The following TTLL11 variants were observed in gnomAD, a reference collection of about 807,000 sequenced individuals.
TTLL11 encodes the protein tubulin polyglutamylase TTLL11.
A neutral mutation model predicts 51.7 loss-of-function variants in TTLL11; 42 were observed. The observed-to-expected ratio is 0.81, with a 90% CI of 0.64 to 1.05. TTLL11 has a LOEUF of 1.05. Ranked by LOEUF, TTLL11 falls within the 50% of genes least tolerant of loss-of-function variation. The probability of loss-of-function intolerance (pLI) is 0.00; values close to 1 mark genes in which losing one functional copy is unlikely to be tolerated. For synonymous variants in TTLL11, 381 were observed against 383.5 expected (o/e 0.99, Z 0.08); for missense variants, 799 against 940.4 (o/e 0.85, Z 1.97).
At chr9:121,908,144 CCTT>C (rs1840005263) in intron 6 of TTLL11, among the ~76,000 whole-genome samples, 1 of 152,152 alleles carries the variant, frequency 6.6e-6, no homozygotes, top group Non-Finnish European at 1.5e-5. Context: ...GGGGAAGACA[CCTT>C]CTTCTGGTGG....
chr9:121,954,285 C>G (rs769667999), intron 6 of TTLL11, among the ~76,000 whole-genome samples: 19 of 152,166 alleles, frequency 1.2e-4, no homozygotes, highest in Non-Finnish European at 2.5e-4. Flanking sequence ...CTCTCATAAA[C>G]AAACAAGTGG....
At position 122,072,559 on chromosome 9, in the gene TTLL11, G is replaced by T. The variant is rs370038768; in HGVS notation, c.462+20128C>A. Among the ~76,000 whole-genome samples, 8 of 152,158 alleles carry T rather than the reference G, an allele frequency of 5.3e-5. 1 individual carries two copies. The highest frequency in any genetic ancestry group is 4.1e-4 in the South Asian group (2 of 4,828). On this transcript the variant is annotated intron_variant, in intron 1 of 8. Coordinates refer to ENST00000321582, the MANE Select transcript of TTLL11 (RefSeq NM_001139442.2). ...CTCGGGAGGCTGAGGCAGGCGAATT[G>T]CTTGAACCCGGGAAGTGGAGGTTTC...
intron 8 of TTLL11, among the ~76,000 whole-genome samples, chr9:121,841,174 C>T (rs886219971): frequency 2.0e-5 from 3 of 152,086 alleles, no homozygotes; most frequent in African/African-American, 7.2e-5. Flanking sequence ...AGAGGCCCCA[C>T]GATGGAAGCA....
chr9:122,031,594 G>T, intron 3 of TTLL11, 129 bp downstream of exon 3: 3 of 1,104,496 alleles, frequency 2.7e-6, no homozygotes, highest in South Asian at 1.7e-5. Context: ...CACCTACTGT[G>T]TACTGTTAAG....
At chr9:121,833,774 A>G (rs1488622699) in intron 8 of TTLL11, among the ~76,000 whole-genome samples, 1 of 152,234 alleles carries the variant, frequency 6.6e-6, no homozygotes, top group African/African-American at 2.4e-5. Context: ...GCACATTTGA[A>G]TATATGATAT....
chr9:122,017,849 A>T (rs1844034265), intron 3 of TTLL11, among the ~76,000 whole-genome samples: 1 of 152,224 alleles, frequency 6.6e-6, no homozygotes, highest in African/African-American at 2.4e-5. Context: ...GAGAAAATGA[A>T]GGCTAAAGAA....
intron 6 of TTLL11, among the ~76,000 whole-genome samples, chr9:121,925,825 T>C (rs1840708376): frequency 6.6e-6 from 1 of 152,238 alleles, no homozygotes; most frequent in Middle Eastern, 3.4e-3. Context: ...GCTCCCCTCC[T>C]CCACCCTCAC....
chr9:121,992,889 A>G (rs1214542108), intron 3 of TTLL11, among the ~76,000 whole-genome samples: 1 of 152,240 alleles, frequency 6.6e-6, no homozygotes, highest in Non-Finnish European at 1.5e-5. Flanking sequence ...TACTCTACTA[A>G]GACATTAAAA....
intron 1 of TTLL11, among the ~76,000 whole-genome samples, chr9:122,090,002 A>G (rs1013065091): frequency 1.3e-5 from 2 of 151,018 alleles, no homozygotes; most frequent in African/African-American, 2.5e-5. Context: ...CTATATGCCA[A>G]TGTGTTCTCT....
At chr9:122,032,579 C>T (rs1050174903) in intron 2 of TTLL11, among the ~76,000 whole-genome samples, 4 of 148,756 alleles carry the variant, frequency 2.7e-5, no homozygotes, top group Admixed American at 6.8e-5. Context: ...ACCTGGGAGG[C>T]GGAGCTTGCA....
intron 6 of TTLL11, among the ~76,000 whole-genome samples, chr9:121,909,521 C>A (rs1241168455): frequency 1.3e-5 from 2 of 152,160 alleles, no homozygotes; most frequent in Admixed American, 6.5e-5. Flanking sequence ...AAGCAAGGAG[C>A]CACCTGACCC....
intron 1 of TTLL11, among the ~76,000 whole-genome samples, chr9:122,057,332 T>TC (rs1437418983): frequency 6.6e-6 from 1 of 151,136 alleles, no homozygotes; most frequent in East Asian, 1.9e-4. Flanking sequence ...CTTTTTTTTT[T>TC]TTTTTTTTTT....
intron 1 of TTLL11, among the ~76,000 whole-genome samples, chr9:122,073,999 G>A (rs1314248083): frequency 6.6e-6 from 1 of 152,172 alleles, no homozygotes; most frequent in Admixed American, 6.5e-5. Context: ...CTGGCCGGGC[G>A]CAGTGGCTTA....
intron 6 of TTLL11, among the ~76,000 whole-genome samples, chr9:121,881,778 A>T (rs7037739): frequency 0.73 from 110,854 of 152,098 alleles, 40,966 homozygotes; most frequent in East Asian, 0.9. Flanking sequence ...GTATTTGGTC[A>T]GGGGAAAAAG....
intron 6 of TTLL11, among the ~76,000 whole-genome samples, chr9:121,929,204 G>A (rs1032540466): frequency 6.6e-6 from 1 of 152,164 alleles, no homozygotes; most frequent in African/African-American, 2.4e-5. Flanking sequence ...CACTTTGGGA[G>A]GCTGAGACAG....
At chr9:122,030,210 G>A (rs1257413310) in intron 3 of TTLL11, among the ~76,000 whole-genome samples, 1 of 142,816 alleles carries the variant, frequency 7.0e-6, no homozygotes, top group Non-Finnish European at 1.5e-5. Flanking sequence ...ATTGGGGGGG[G>A]GGGGGTAATT....
intron 6 of TTLL11, among the ~76,000 whole-genome samples, chr9:121,947,351 A>T (rs1448873245): frequency 1.3e-5 from 2 of 152,220 alleles, no homozygotes; most frequent in African/African-American, 2.4e-5. Flanking sequence ...AAAAGAAAAA[A>T]TATCAAATTA....
intron 6 of TTLL11, among the ~76,000 whole-genome samples, chr9:121,962,920 C>A (rs974546406): frequency 6.6e-6 from 1 of 152,222 alleles, no homozygotes; most frequent in Non-Finnish European, 1.5e-5. Flanking sequence ...AGAGAACAGG[C>A]CTTGGATAGG....
At position 121,853,177 on chromosome 9, in the gene TTLL11, G is replaced by A. The variant is rs954838530; in HGVS notation, c.1840+7160C>T. Among the ~76,000 whole-genome samples, 5 of 152,182 alleles carry A rather than the reference G, an allele frequency of 3.3e-5. No individual in the cohort carries two copies. The highest frequency in any genetic ancestry group is 4.8e-5 in the African/African-American group (2 of 41,448). On this transcript the variant is annotated intron_variant, in intron 8 of 8. Coordinates refer to ENST00000321582, the MANE Select transcript of TTLL11 (RefSeq NM_001139442.2). This position sits in a 1 kb window ranked among gnomAD's most constrained non-coding sequence, Gnocchi z 5.6. ...ACCCATGGGATTGGTGGGTTGCCGC[G>A]GCTGAGCCCTGGTCCATGGGACATG...
Sources: allele counts gnomAD v4.1 joint callset (sites outside exome capture counted in the v4.1 genomes callset), GRCh38; gene constraint gnomAD v4.1.1; non-coding constraint Gnocchi (gnomAD v3.1); transcripts MANE v1.5; gene names NCBI Gene and HGNC (gene_info 2026-07-23, HGNC 2026-07-21).